GRK5: variants seen among roughly 807,000 people sequenced by gnomAD.
GRK5 encodes the protein G protein-coupled receptor kinase 5.
In GRK5, 40 loss-of-function variants were observed where a neutral mutation model predicts 78.4. The observed-to-expected ratio is 0.51, with a 90% confidence interval of 0.40 to 0.66. The LOEUF is 0.66. Among genes scored for constraint, GRK5 ranks in the 30% least tolerant of loss-of-function variants. The pLI is 0.00. For synonymous variants in GRK5, 289 were observed against 296.8 expected, an observed-to-expected ratio of 0.97 and a Z score of 0.27; for missense variants, 598 against 759.9, an observed-to-expected ratio of 0.79 and a Z score of 2.50.
chr10:119,284,512 T>A (rs1281247356), intron 1 of GRK5, among the ~76,000 whole-genome samples: 1 of 152,164 alleles, frequency 6.6e-6, no homozygotes, highest in Non-Finnish European at 1.5e-5. Flanking sequence ...TATTTTACAT[T>A]CCTTTTTCTA....
chr10:119,435,482 A>G (rs1589809012), intron 8 of GRK5, among the ~76,000 whole-genome samples: 1 of 152,182 alleles, frequency 6.6e-6, no homozygotes, highest in South Asian at 2.1e-4. Flanking sequence ...AGTTTCAAAA[A>G]TCTCTAGGGC....
intron 3 of GRK5, 35 bp from the exon 4 acceptor site, chr10:119,396,660 A>G: frequency 6.5e-7 from 1 of 1,546,036 alleles, no homozygotes; most frequent in Non-Finnish European, 8.9e-7. Flanking sequence ...TCATGAGCAA[A>G]CCTGTTATTG....
At chr10:119,407,725 G>A (rs1852263456) in intron 4 of GRK5, among the ~76,000 whole-genome samples, 1 of 152,192 alleles carries the variant, frequency 6.6e-6, no homozygotes, top group Admixed American at 6.5e-5. Context: ...GTAAAACAGG[G>A]GAATTGAAAA....
intron 1 of GRK5, among the ~76,000 whole-genome samples, chr10:119,268,082 C>T (rs542880641): frequency 5.0e-4 from 76 of 152,270 alleles, no homozygotes; most frequent in African/African-American, 1.6e-3. Context: ...AAGGTAGAGA[C>T]GGCTGGCACT....
chr10:119,366,387 C>T (rs1452748632), intron 2 of GRK5, among the ~76,000 whole-genome samples: 1 of 152,068 alleles, frequency 6.6e-6, no homozygotes, highest in African/African-American at 2.4e-5. Flanking sequence ...GAATTTACAG[C>T]TTAGTTGGGG....
At chr10:119,293,347 G>A (rs983664504) in intron 1 of GRK5, among the ~76,000 whole-genome samples, 3 of 152,160 alleles carry the variant, frequency 2.0e-5, no homozygotes, top group Admixed American at 6.5e-5. Context: ...CTCTGGCGAC[G>A]CCCAGTCTGT....
intron 2 of GRK5, among the ~76,000 whole-genome samples, chr10:119,369,901 A>C (rs1052694424): frequency 1.4e-5 from 2 of 147,250 alleles, no homozygotes; most frequent in Admixed American, 6.8e-5. Context: ...GTCCACCCCC[A>C]CCCCTGACCC....
At position 119,394,767 on chromosome 10, in the gene GRK5, CTGTGTGTG is replaced by C. The variant is rs764434660; in HGVS notation, c.262-1923_262-1916del. Among the ~76,000 whole-genome samples, 340 of 89,326 alleles carry C rather than the reference CTGTGTGTG, an allele frequency of 3.8e-3. 6 individuals are homozygous for C. The highest frequency in any genetic ancestry group is 0.015 in the African/African-American group (326 of 21,880). 58.6% of individuals were successfully genotyped at this position (89,326 alleles called of 152,430 possible). On this transcript the variant is annotated intron_variant, in intron 3 of 15. Coordinates refer to ENST00000392870, the MANE Select transcript of GRK5 (RefSeq NM_005308.3). ...TGTGTGTCTGTGTGTGGGTGTGTATCTGTGTGTGTGTGGGCACGTGTATGTTTGGGTGT... is the reference window on the plus strand; with the variant it reads ...TGTGTGTCTGTGTGTGGGTGTGTATCTGTGGGCACGTGTATGTTTGGGTGT...
Position 119,387,735 on chromosome 10 carries a change from A to G in GRK5, c.261+6808A>G, listed in dbSNP as rs541934260. On this transcript the variant is annotated intron_variant, in intron 3 of 15. Coordinates refer to ENST00000392870, the MANE Select transcript of GRK5 (RefSeq NM_005308.3). The stretch of plus-strand genomic sequence containing the variant: ...TCATTTGAAACCATCTTATCTCCAC[A>G]CTTGGGTGAGACTTAATGGGTTCAG... Among the ~76,000 whole-genome samples, 7 of 152,164 alleles carry G rather than the reference A, an allele frequency of 4.6e-5. No individual in the cohort carries two copies. The South Asian group carries it at 1.5e-3, about 32-fold the overall frequency.
intron 1 of GRK5, among the ~76,000 whole-genome samples, chr10:119,254,893 A>G (rs943305947): frequency 6.6e-6 from 1 of 152,090 alleles, no homozygotes; most frequent in Admixed American, 6.6e-5. Flanking sequence ...CATCTCTACT[A>G]AAAATGCAAA....
chr10:119,330,458 C>T (rs981329979), intron 2 of GRK5: 1 of 151,626 alleles, frequency 6.6e-6, no homozygotes, highest in African/African-American at 2.4e-5. Context: ...ATGATGGTTC[C>T]ACCCTCATGA....
At chr10:119,413,227 A>T (rs1231195720) in intron 4 of GRK5, among the ~76,000 whole-genome samples, 1 of 151,878 alleles carries the variant, frequency 6.6e-6, no homozygotes, top group Non-Finnish European at 1.5e-5. Flanking sequence ...TCTTCCTGAG[A>T]TGGCCACGGC....
intron 4 of GRK5, among the ~76,000 whole-genome samples, chr10:119,397,570 C>T (rs1196264302): frequency 6.6e-6 from 1 of 152,190 alleles, no homozygotes; most frequent in African/African-American, 2.4e-5. Flanking sequence ...TCCCCCGGGG[C>T]CAGTGGTGGC....
At chr10:119,220,668 C>G (rs1848643082) in intron 1 of GRK5, among the ~76,000 whole-genome samples, 1 of 151,166 alleles carries the variant, frequency 6.6e-6, no homozygotes. Context: ...AACCCCGTCT[C>G]TATTAAAAAT....
chr10:119,433,435 C>T (rs969076961), intron 8 of GRK5, among the ~76,000 whole-genome samples: 2 of 152,212 alleles, frequency 1.3e-5, no homozygotes, highest in Admixed American at 6.5e-5. Flanking sequence ...CCTTCAGTTA[C>T]GATGGCTGCA....
Position 119,382,686 on chromosome 10 carries a change from C to T in GRK5, c.261+1759C>T, listed in dbSNP as rs147719646. On this transcript the variant is annotated intron_variant, in intron 3 of 15. Transcript: ENST00000392870. ...AGCTTAAAAAATTCTTTCCTATCAT[C>T]AAATGTTAGTATTCAGATTTCCAGT... 1.2e-4 allele frequency among the ~76,000 whole-genome samples: 18 copies of T among 152,238 alleles called. No individual in the cohort carries two copies. The East Asian group carries it at 3.3e-3, about 28-fold the overall frequency.
chr10:119,278,302 C>T (rs910983634), intron 1 of GRK5, among the ~76,000 whole-genome samples: 91 of 152,010 alleles, frequency 6.0e-4, no homozygotes, highest in Middle Eastern at 3.4e-3. Context: ...GCAGGCCGCC[C>T]CTCTGCTTGG....
At chr10:119,373,913 G>A (rs1851585989) in intron 2 of GRK5, among the ~76,000 whole-genome samples, 1 of 152,136 alleles carries the variant, frequency 6.6e-6, no homozygotes, top group Non-Finnish European at 1.5e-5. Context: ...CTACAACAGC[G>A]AGCTGAATCG....
At chr10:119,417,178 G>A (rs964442291) in intron 4 of GRK5, among the ~76,000 whole-genome samples, 2 of 152,216 alleles carry the variant, frequency 1.3e-5, no homozygotes, top group Admixed American at 6.5e-5. Context: ...ATGCCACTGA[G>A]GGTGGGTGTC....
Sources: allele counts gnomAD v4.1 joint callset (sites outside exome capture counted in the v4.1 genomes callset), GRCh38; gene constraint gnomAD v4.1.1; transcripts MANE v1.5; gene names NCBI Gene and HGNC (gene_info 2026-07-23, HGNC 2026-07-21).